WNT11: variants seen among roughly 807,000 people sequenced by gnomAD.
WNT11 encodes the protein Wnt family member 11, also known as protein Wnt-11.
Under a neutral mutation model 35.6 loss-of-function variants are expected in WNT11, and 20 were observed. That is an observed-to-expected ratio of 0.56 (90% CI 0.40 to 0.82). The LOEUF (loss-of-function observed/expected upper bound fraction) is 0.82, where lower values mean the gene tolerates loss of function less well. WNT11 is among the 40% of genes least tolerant of loss of function. The pLI is 0.00. For synonymous variants in WNT11, 200 were observed against 211.9 expected, an observed-to-expected ratio of 0.94 and a Z score of 0.49; for missense variants, 459 against 504.4, an observed-to-expected ratio of 0.91 and a Z score of 0.86.
upstream of WNT11, chr11:76,206,613 TC>T: frequency 1.8e-6 from 2 of 1,086,418 alleles, no homozygotes; most frequent in South Asian, 9.2e-5. Context: ...GCGGCGGGCG[TC>T]CCCTCCCGCT....
rs1428448200 is a variant in WNT11 at position 76,194,209 on chromosome 11, C to G, written c.597+358G>C. ...GATGGGGACTCAGCACCAGGTCACCCCCACCATTTCATAGATGGGAACAGC... is the reference window on the plus strand; with the variant it reads ...GATGGGGACTCAGCACCAGGTCACCGCCACCATTTCATAGATGGGAACAGC... On this transcript the variant is annotated intron_variant, in intron 3 of 4. Coordinates refer to ENST00000322563, the MANE Select transcript of WNT11 (RefSeq NM_004626.3). This position sits in a 1 kb window ranked among gnomAD's most constrained non-coding sequence, Gnocchi z 5.4. Among the ~76,000 whole-genome samples the G allele has an allele frequency of 6.6e-6, 1 of 151,896 alleles. No homozygotes were observed. The highest frequency in any genetic ancestry group is 2.4e-5 in the African/African-American group (1 of 41,348).
rs770786809 is a variant in WNT11 at position 76,191,725 on chromosome 11, C to A, written c.729G>T (p.Ser243=). 3 of 1,613,786 alleles carry A rather than the reference C, an allele frequency of 1.9e-6. No homozygotes were observed. The highest frequency in any genetic ancestry group is 2.5e-6 in the Non-Finnish European group (3 of 1,180,034). The change falls in exon 4 of 5, where the codon TCG becomes TCT. Residue 243 remains serine (S), a synonymous_variant. Transcript: ENST00000322563. ...TGGGTCGGTGCACTACCTTGGTGGC[C>A]GACAGGTATCGGGTCTTGAGGTCAG... ...VAADLKTRYL[S]ATKVVHRPMG...
intron 1 of WNT11, among the ~76,000 whole-genome samples, chr11:76,200,239 G>A (rs1434968837): frequency 6.6e-6 from 1 of 152,154 alleles, no homozygotes; most frequent in Non-Finnish European, 1.5e-5. Flanking sequence ...AATGTCTGGT[G>A]TGTCTAGATG....
At chr11:76,208,697 C>T (rs1953511399), upstream of WNT11, among the ~76,000 whole-genome samples, 1 of 152,132 alleles carries the variant, frequency 6.6e-6, no homozygotes, top group Non-Finnish European at 1.5e-5. Context: ...AGAGGAGGAG[C>T]CCCCTAGGTC....
chr11:76,209,484 T>C (rs1473385872), upstream of WNT11, among the ~76,000 whole-genome samples: 2 of 151,980 alleles, frequency 1.3e-5, no homozygotes, highest in Non-Finnish European at 2.9e-5. Context: ...GCGCGCAAGG[T>C]CGGCACGGGC....
chr11:76,192,837 G>T (rs1180147349), intron 3 of WNT11, among the ~76,000 whole-genome samples: 2 of 152,154 alleles, frequency 1.3e-5, no homozygotes, highest in Non-Finnish European at 2.9e-5. Context: ...ACAAGACTTG[G>T]ATTCCTCTGC....
intron 4 of WNT11, among the ~76,000 whole-genome samples, chr11:76,190,075 G>T (rs1260319180): frequency 2.6e-5 from 4 of 152,022 alleles, no homozygotes; most frequent in East Asian, 1.9e-4. Flanking sequence ...CTGCCCGGGA[G>T]GGGAGGGGAG....
chr11:76,189,047 C>T (rs1382641983), intron 4 of WNT11, among the ~76,000 whole-genome samples: 3 of 152,206 alleles, frequency 2.0e-5, no homozygotes, highest in South Asian at 4.1e-4. Context: ...GTTCCCAGAA[C>T]ACCTGCCCCA....
chr11:76,190,968 T>G (rs1453803801), intron 4 of WNT11: 1 of 152,880 alleles, frequency 6.5e-6, no homozygotes, highest in Admixed American at 6.5e-5. Flanking sequence ...GCAGCAGCTG[T>G]GACTGGGGCT....
rs1591302665 is a variant in WNT11 at position 76,192,250 on chromosome 11, G to A, written c.598-394C>T. Among the ~76,000 whole-genome samples the A allele has an allele frequency of 3.3e-5, 5 of 152,328 alleles. No individual in the cohort carries two copies. The South Asian group carries it at 1.0e-3, about 32-fold the overall frequency. ...CCCAAGGGTGCAGATAGAAAATCAT[G>A]GAGCTTGAATTTGAACCCAGATCTG... On this transcript the variant is annotated intron_variant, in intron 3 of 4. Transcript: ENST00000322563.
intron 4 of WNT11, among the ~76,000 whole-genome samples, chr11:76,188,096 GATA>G (rs1565189973): frequency 2.0e-5 from 3 of 152,334 alleles, no homozygotes; most frequent in African/African-American, 7.2e-5. Flanking sequence ...AGAATCCTAG[GATA>G]AATGCTGAAA....
At chr11:76,187,305 TCC>T in intron 4 of WNT11, 66 bp from the exon 5 acceptor site, 1 of 1,451,394 alleles carries the variant, frequency 6.9e-7, no homozygotes, top group Non-Finnish European at 9.1e-7. Context: ...ACCCCATGAC[TCC>T]CAGCCAGGCA....
intron 1 of WNT11, among the ~76,000 whole-genome samples, chr11:76,197,879 C>T (rs1305886624): frequency 6.6e-6 from 1 of 152,174 alleles, no homozygotes; most frequent in Non-Finnish European, 1.5e-5. Flanking sequence ...AAGGACTCCA[C>T]ATGGACTCAC....
chr11:76,208,477 C>A (rs541484036), upstream of WNT11, among the ~76,000 whole-genome samples: 8 of 152,326 alleles, frequency 5.3e-5, no homozygotes, highest in African/African-American at 1.9e-4. Flanking sequence ...CCTGGTCCTG[C>A]AAGTTTCTTG....
intron 4 of WNT11, among the ~76,000 whole-genome samples, chr11:76,189,513 T>C (rs899435683): frequency 1.3e-5 from 2 of 152,130 alleles, no homozygotes; most frequent in African/African-American, 4.8e-5. Flanking sequence ...TTCCCCAGGT[T>C]AGATTTGAGG....
chr11:76,187,036 C>A lies in WNT11; in HGVS notation c.*29G>T. The A allele has an allele frequency of 6.2e-7, 1 of 1,605,594 alleles. No homozygotes were observed. ...GCTGAGGGTCCTTGAGCAGAGTCCT[C>A]GCTCCTGCGTGGGGCGGAGGGCAGG... On this transcript the variant is annotated 3_prime_UTR_variant, in exon 5 of 5. Coordinates refer to ENST00000322563, the MANE Select transcript of WNT11 (RefSeq NM_004626.3).
At chr11:76,193,847 T>C (rs992247347) in intron 3 of WNT11, among the ~76,000 whole-genome samples, 1 of 152,210 alleles carries the variant, frequency 6.6e-6, no homozygotes, top group Non-Finnish European at 1.5e-5. Flanking sequence ...TTCACGGTCC[T>C]TTCCCTATCT....
At chr11:76,190,157 T>A (rs1236336444) in intron 4 of WNT11, among the ~76,000 whole-genome samples, 1 of 152,004 alleles carries the variant, frequency 6.6e-6, no homozygotes, top group Non-Finnish European at 1.5e-5. Context: ...CCCTCCCCAC[T>A]GTGCGGAAGA....
intron 1 of WNT11, among the ~76,000 whole-genome samples, chr11:76,204,444 T>C (rs1436487079): frequency 6.6e-6 from 1 of 152,202 alleles, no homozygotes; most frequent in East Asian, 1.9e-4. Context: ...GCTCGTGCTG[T>C]GCCTCCCGCC....
Sources: allele counts gnomAD v4.1 joint callset (sites outside exome capture counted in the v4.1 genomes callset), GRCh38; gene constraint gnomAD v4.1.1; non-coding constraint Gnocchi (gnomAD v3.1); transcripts MANE v1.5; gene names NCBI Gene and HGNC (gene_info 2026-07-23, HGNC 2026-07-21).